The following GCC1 variants were observed in gnomAD, a reference collection of about 807,000 sequenced individuals.
GCC1 encodes the protein GRIP and coiled-coil domain containing 1.
Under a neutral mutation model 62.5 loss-of-function variants are expected in GCC1, and 36 were observed. That is an observed-to-expected ratio of 0.58 (90% CI 0.44 to 0.76). The LOEUF (loss-of-function observed/expected upper bound fraction) is 0.76. Among genes scored for constraint, GCC1 ranks in the 30% least tolerant of loss-of-function variants. The pLI is 0.00. For synonymous variants in GCC1, 391 were observed against 386.8 expected (o/e 1.01, Z -0.13); for missense variants, 885 against 948.3 (o/e 0.93, Z 0.88).
chr7:127,581,929 G>GT lies in GCC1; in HGVS notation c.*84dup, dbSNP rs1477746830. The GT allele has an allele frequency of 1.9e-6, 2 of 1,033,020 alleles. No individual in the cohort carries two copies. Among genetic ancestry groups the GT allele is most frequent in the Non-Finnish European group, 2.9e-6 (2 of 690,520 alleles). 64.0% of individuals were successfully genotyped at this position (1,033,020 alleles called of 1,614,324 possible). A position where few individuals can be genotyped will look rare whatever the true frequency, so the allele number is the denominator to read the frequency against. Reference sequence around the variant, plus strand: ...ACACAGTGAAGAAATAAATGACAATGTAAGAGAAGAGGCAGCAGAAACCAG... The same window carrying GT: ...ACACAGTGAAGAAATAAATGACAATGTTAAGAGAAGAGGCAGCAGAAACCAG... On this transcript the variant is annotated 3_prime_UTR_variant, in exon 2 of 2. Transcript: ENST00000321407.
rs1052133355 is a variant in GCC1, at chr7:127,585,336, C to A, written c.-154G>T. ...TAGTTATCCCGGACCTAATGCGGAACGGCCGGACGGACTGGCGAAAGCGGC... is the reference window on the plus strand; with the variant it reads ...TAGTTATCCCGGACCTAATGCGGAAAGGCCGGACGGACTGGCGAAAGCGGC... On this transcript the variant is annotated 5_prime_UTR_variant, in exon 1 of 2. Coordinates refer to ENST00000321407, the MANE Select transcript of GCC1 (RefSeq NM_024523.6). The A allele has an allele frequency of 1.4e-6, 1 of 735,130 alleles. No individual in the cohort carries two copies. Among genetic ancestry groups the A allele is most frequent in the Admixed American group, 3.1e-5 (1 of 31,864 alleles). 45.5% of individuals were successfully genotyped at this position (735,130 alleles called of 1,614,324 possible). A position where few individuals can be genotyped will look rare whatever the true frequency, so the allele number is the denominator to read the frequency against.
chr7:127,581,978 G>C lies in GCC1; in HGVS notation c.*36C>G. The C allele has an allele frequency of 6.6e-7, 1 of 1,512,364 alleles. No homozygotes were observed. Among genetic ancestry groups the C allele is most frequent in the Non-Finnish European group, 9.1e-7 (1 of 1,096,850 alleles). The allele number at this position is 1,512,364 out of a possible 1,614,324, so 93.7% of individuals were successfully genotyped here. ...AGAGCCTGCCCTTTCCCACATAAAA[G>C]AGGCACAGAAATTCCAGGAATTCAT... On this transcript the variant is annotated 3_prime_UTR_variant, in exon 2 of 2. Coordinates refer to ENST00000321407, the MANE Select transcript of GCC1 (RefSeq NM_024523.6).
In GCC1 at chr7:127,581,562, G is replaced by C. The variant is rs1223006820; in HGVS notation, c.*452C>G. On this transcript the variant is annotated 3_prime_UTR_variant, in exon 2 of 2. Coordinates refer to ENST00000321407, the MANE Select transcript of GCC1 (RefSeq NM_024523.6). ...TTTCCAGCCTGGTTTTATGTCCCCA[G>C]AGAATTGGGGTAGCAATGGACCAGA... 6.4e-6 allele frequency: 1 copy of C among 156,864 alleles called. No individual in the cohort carries two copies. 9.7% of individuals were successfully genotyped at this position (156,864 alleles called of 1,614,324 possible).
At position 127,584,348 on chromosome 7, in the gene GCC1, C is replaced by T. The variant is rs749486565; in HGVS notation, c.835G>A (p.Ala279Thr). The T allele has an allele frequency of 6.8e-6, 11 of 1,613,748 alleles. No homozygotes were observed. In the East Asian group the frequency reaches 2.2e-4, roughly 33 times the overall value. The change falls in exon 1 of 2, where the codon GCA (alanine) becomes ACA (threonine). Residue 279 changes from alanine (A) to threonine (T), a missense_variant. By Grantham distance (58) the Ala-to-Thr change is moderately conservative (BLOSUM62 0). Coordinates refer to ENST00000321407, the MANE Select transcript of GCC1 (RefSeq NM_024523.6). ...CCTTCCATCTGTTCAGCTGCATATG[C>T]TCGTCCTGCCAAGGCTTCTCGGGTC... ...EETREALAGR[A>T]YAAEQMEGFE... is the part of the protein sequence containing the mutation.
chr7:127,582,808 T>A lies in GCC1; in HGVS notation c.1534A>T (p.Asn512Tyr), dbSNP rs1271635249. ...VLKSKNTKDG[N>Y]LGKELEAAQE... ...GCTGCCTCCAGCTCCTTTCCCAGGTTACCATCTTTGGTATTCTTGCTTTTG... is the reference window on the plus strand; with the variant it reads ...GCTGCCTCCAGCTCCTTTCCCAGGTAACCATCTTTGGTATTCTTGCTTTTG... The change falls in exon 2 of 2, where the codon AAC becomes TAC. Residue 512 changes from asparagine to tyrosine, a missense_variant. By Grantham distance (143) the Asn-to-Tyr change is moderately radical (BLOSUM62 -2). Transcript: ENST00000321407. This position sits in a 1 kb window ranked among gnomAD's most constrained non-coding sequence, Gnocchi z 4.8. 2 of 1,614,198 alleles carry A rather than the reference T, an allele frequency of 1.2e-6. No homozygotes were observed. Among genetic ancestry groups the A allele is most frequent in the Non-Finnish European group, 1.7e-6 (2 of 1,180,036 alleles).
At position 127,582,246 on chromosome 7, in the gene GCC1, A is replaced by G. The variant is rs370136814; in HGVS notation, c.2096T>C (p.Val699Ala). 4 of 1,613,784 alleles carry G rather than the reference A, an allele frequency of 2.5e-6. No homozygotes were observed. The highest frequency in any genetic ancestry group is 2.5e-6 in the Non-Finnish European group (3 of 1,179,938). ...TTCGATGTGGCTCTGCAGGGCTGCA[A>G]CCTCCTCACGATGCCGTTCGCCCTC... ...LEEGERHREE[V>A]AALQSHIEKN... The change falls in exon 2 of 2, where the codon GTT becomes GCT. Residue 699 changes from valine to alanine, a missense_variant. Coordinates refer to ENST00000321407, the MANE Select transcript of GCC1 (RefSeq NM_024523.6). This position sits in a 1 kb window ranked among gnomAD's most constrained non-coding sequence, Gnocchi z 4.8.
chr7:127,582,948 A>AT lies in GCC1; in HGVS notation c.1393dup (p.Met465AsnfsTer8). 6.2e-7 allele frequency: 1 copy of AT among 1,614,142 alleles called. No individual in the cohort carries two copies. The highest frequency in any genetic ancestry group is 8.5e-7 in the Non-Finnish European group (1 of 1,180,016). On this transcript the variant is annotated frameshift_variant, in exon 2 of 2. Coordinates refer to ENST00000321407, the MANE Select transcript of GCC1 (RefSeq NM_024523.6). The surrounding 1 kb of genome is among the most constrained non-coding windows in gnomAD (Gnocchi z 4.8). ...CCCATCAGCAGCCTCCGAGCTGGGC[A>AT]TTATCTCCAGGTCACAGAGCTTCTC...
Position 127,581,701 on chromosome 7 carries a change from A to G in GCC1, c.*313T>C, listed in dbSNP as rs75344674. On this transcript the variant is annotated 3_prime_UTR_variant, in exon 2 of 2. Coordinates refer to ENST00000321407, the MANE Select transcript of GCC1 (RefSeq NM_024523.6). ...GCTTTGTGCCAGGAGCATATTATTA[A>G]AACAAAACATCTTATTTTAAAACAG... 0.017 allele frequency: 4,689 copies of G among 272,138 alleles called. 60 individuals carry two copies. The highest frequency in any genetic ancestry group is 0.026 in the Non-Finnish European group (3,688 of 144,340). The allele number at this position is 272,138 out of a possible 1,614,324, so 16.9% of individuals were successfully genotyped here.
Position 127,582,081 on chromosome 7 carries a change from G to A in GCC1, c.2261C>T (p.Pro754Leu), listed in dbSNP as rs757233441. The A allele has an allele frequency of 9.5e-5, 154 of 1,614,026 alleles. No homozygotes were observed. The highest frequency in any genetic ancestry group is 1.6e-4 in the Middle Eastern group (1 of 6,084). The change falls in exon 2 of 2, where the codon CCA becomes CTA. Residue 754 changes from proline (P) to leucine (L), a missense_variant. Pro to Leu is a moderately conservative substitution (Grantham distance 98). Coordinates refer to ENST00000321407, the MANE Select transcript of GCC1 (RefSeq NM_024523.6). The surrounding 1 kb of genome is among the most constrained non-coding windows in gnomAD (Gnocchi z 4.8). ...TCGCATTATCACTTGTTTCTCCTCT[G>A]GACTGAAGTGCAAGATAGTCAGTAT... ...TAILTILHFSPEEKQVIMRLP... is the reference protein window; with the variant it reads ...TAILTILHFSLEEKQVIMRLP...
chr7:127,584,045 A>G, intron 1 of GCC1, 106 bp downstream of exon 1: 1 of 994,572 alleles, frequency 1.0e-6, no homozygotes, highest in Non-Finnish European at 1.5e-6. Context: ...TGGCATCAAA[A>G]ATGACAGTAT....
chr7:127,583,408 T>C (rs1281194870), intron 1 of GCC1, 99 bp from the exon 2 acceptor site: 3 of 935,976 alleles, frequency 3.2e-6, no homozygotes, highest in Non-Finnish European at 4.8e-6. Flanking sequence ...AGGTTTGGGA[T>C]GGCCTGGCAA....
rs766151787 is a variant in GCC1, at chr7:127,583,280, C to T, written c.1062G>A (p.Gln354=). Residue 354 remains glutamine, a synonymous_variant, in exon 2 of 2, where the codon CAG becomes CAA. Transcript: ENST00000321407. ...CCCTCTGTTCTTCTACCTGAGATTG[C>T]TGACGGAGTTGATCCTCTGCAAGAG... ...KTALAEDQLR[Q]QSQVEEQRVA... 2 of 1,606,210 alleles carry T rather than the reference C, an allele frequency of 1.2e-6. No homozygotes were observed. Among genetic ancestry groups the T allele is most frequent in the Admixed American group, 1.7e-5 (1 of 59,722 alleles).
chr7:127,582,725 C>G lies in GCC1; in HGVS notation c.1617G>C (p.Glu539Asp). The G allele has an allele frequency of 6.2e-7, 1 of 1,614,170 alleles. No individual in the cohort carries two copies. The highest frequency in any genetic ancestry group is 8.5e-7 in the Non-Finnish European group (1 of 1,180,040). The change falls in exon 2 of 2, where the codon GAG (glutamate) becomes GAC (aspartate). Residue 539 changes from glutamate (E) to aspartate (D), a missense_variant. Physicochemically the swap from Glu to Asp is conservative, Grantham distance 45. Coordinates refer to ENST00000321407, the MANE Select transcript of GCC1 (RefSeq NM_024523.6). This position sits in a 1 kb window ranked among gnomAD's most constrained non-coding sequence, Gnocchi z 4.8. Reference sequence around the variant, plus strand: ...CCTGCTGGTGTTGGTGCTCCAGCTCCTCGCAGGAGAGCCGCAGGGAAATAT... The same window carrying G: ...CCTGCTGGTGTTGGTGCTCCAGCTCGTCGCAGGAGAGCCGCAGGGAAATAT... ...EKYISLRLSC[E>D]ELEHQHQQEA... is the part of the protein sequence containing the mutation.
Position 127,583,229 on chromosome 7 carries a change from G to A in GCC1, c.1113C>T (p.Ser371=), listed in dbSNP as rs75885260. ...AGGTGCCTAGCAGCTCAGACACCTC[G>A]GATATTTGATTCTCCAGGGCTGCCA... ...QRVAALENQI[S]EVSELLGTYE... is the part of the protein sequence containing the mutation. Residue 371 remains serine, a synonymous_variant, in exon 2 of 2, where the codon TCC becomes TCT. Transcript: ENST00000321407. 4.2e-3 allele frequency: 6,714 copies of A among 1,613,552 alleles called. 228 individuals carry two copies. In the African/African-American group the frequency reaches 0.076, roughly 18 times the overall value.
chr7:127,583,320 A>C lies in GCC1; in HGVS notation c.1033-11T>G, dbSNP rs754652658. Reference sequence around the variant, plus strand: ...CTCTGCAAGAGCTGTCTGCAAAACAAGGGAACAGACAAAAATGCATCCACA... The same window carrying C: ...CTCTGCAAGAGCTGTCTGCAAAACACGGGAACAGACAAAAATGCATCCACA... On this transcript the variant is annotated splice_polypyrimidine_tract_variant and intron_variant, in intron 1 of 1. Coordinates refer to ENST00000321407, the MANE Select transcript of GCC1 (RefSeq NM_024523.6). The C allele has an allele frequency of 4.4e-6, 7 of 1,573,980 alleles. No homozygotes were observed. The highest frequency in any genetic ancestry group is 6.0e-6 in the Non-Finnish European group (7 of 1,159,278).
rs1417868133 is a variant in GCC1, at chr7:127,584,324, C to T, written c.859G>A (p.Gly287Arg). The T allele has an allele frequency of 6.2e-7, 1 of 1,613,640 alleles. No homozygotes were observed. Among genetic ancestry groups the T allele is most frequent in the African/African-American group, 1.3e-5 (1 of 74,752 alleles). ...AGCTGCTTGGTCTGCAGTTCAAATC[C>T]TTCCATCTGTTCAGCTGCATATGCT... is the stretch of plus-strand genomic sequence containing the variant. ...GRAYAAEQME[G>R]FELQTKQLTR... The change falls in exon 1 of 2, where the codon GGA becomes AGA. Residue 287 changes from glycine (G) to arginine (R), a missense_variant. Physicochemically the swap from Gly to Arg is moderately radical, Grantham distance 125. Coordinates refer to ENST00000321407, the MANE Select transcript of GCC1 (RefSeq NM_024523.6).
At position 127,584,814 on chromosome 7, in the gene GCC1, A is replaced by G. The variant is rs1043875258; in HGVS notation, c.369T>C (p.Arg123=). ...CTTCGGACTTTGGAGGTGGTGGTCC[A>G]CGGGCCGGTCTGTCATCTTCTACCC... The part of the protein sequence containing the change: ...EFGVEDDRPA[R]GPPPPKSEEA... The change falls in exon 1 of 2, where the codon CGT becomes CGC. Residue 123 remains arginine, a synonymous_variant. Coordinates refer to ENST00000321407, the MANE Select transcript of GCC1 (RefSeq NM_024523.6). 3 of 1,614,112 alleles carry G rather than the reference A, an allele frequency of 1.9e-6. No individual in the cohort carries two copies. Among genetic ancestry groups the G allele is most frequent in the Non-Finnish European group, 2.5e-6 (3 of 1,180,016 alleles).
chr7:127,582,433 C>G lies in GCC1; in HGVS notation c.1909G>C (p.Asp637His). The G allele has an allele frequency of 6.2e-7, 1 of 1,614,174 alleles. No homozygotes were observed. Among genetic ancestry groups the G allele is most frequent in the South Asian group, 1.1e-5 (1 of 91,080 alleles). ...AGTTGTAATGCTTGGGTCAGGCTAT[C>G]AGAGGATGATGTGTCAGCTGGGTCC... ...PGDPADTSSS[D>H]SLTQALQLAA... Residue 637 changes from aspartate (D) to histidine (H), a missense_variant, in exon 2 of 2, where the codon GAT (aspartate) becomes CAT (histidine). By Grantham distance (81) the Asp-to-His change is moderately conservative (BLOSUM62 -1). Coordinates refer to ENST00000321407, the MANE Select transcript of GCC1 (RefSeq NM_024523.6). This position sits in a 1 kb window ranked among gnomAD's most constrained non-coding sequence, Gnocchi z 4.8.
intron 1 of GCC1, 129 bp downstream of exon 1, chr7:127,584,022 G>A (rs1794168944): frequency 2.6e-6 from 2 of 778,670 alleles, no homozygotes; most frequent in Admixed American, 5.6e-5. Flanking sequence ...GTTCACTAGT[G>A]GAACTTCTCA....
Sources: allele counts gnomAD v4.1 joint callset, GRCh38; gene constraint gnomAD v4.1.1; non-coding constraint Gnocchi (gnomAD v3.1); transcripts MANE v1.5; gene names NCBI Gene and HGNC (gene_info 2026-07-23, HGNC 2026-07-21).